Variants in LRRC3B observed in about 807,000 individuals in gnomAD.
LRRC3B encodes leucine-rich repeat-containing protein 3B.
In LRRC3B, 2 loss-of-function variants were observed where a neutral mutation model predicts 12.8. That is an observed-to-expected ratio of 0.16 (90% CI 0.06 to 0.49). The LOEUF is 0.49. Ranked by LOEUF, LRRC3B falls within the 20% of genes least tolerant of loss-of-function variation. LRRC3B has a pLI of 0.96. For missense variants in LRRC3B, 189 were observed against 319.4 expected, an observed-to-expected ratio of 0.59 and a Z score of 3.11; for synonymous variants, 132 against 122.0, an observed-to-expected ratio of 1.08 and a Z score of -0.54.
chr3:26,666,989 C>G (rs2125427556), intron 1 of LRRC3B, among the ~76,000 whole-genome samples: 1 of 152,158 alleles, frequency 6.6e-6, no homozygotes, highest in East Asian at 1.9e-4. Context: ...CAACTAACAA[C>G]TTTTGCCAGC....
At chr3:26,655,883 T>C (rs564125727) in intron 1 of LRRC3B, among the ~76,000 whole-genome samples, 1 of 152,292 alleles carries the variant, frequency 6.6e-6, no homozygotes, top group African/African-American at 2.4e-5. Context: ...CATGACCTTA[T>C]TGCTATTTAT....
At chr3:26,665,490 T>C (rs1450468326) in intron 1 of LRRC3B, among the ~76,000 whole-genome samples, 3 of 152,138 alleles carry the variant, frequency 2.0e-5, no homozygotes, top group Non-Finnish European at 2.9e-5. Context: ...TCTTCTATTG[T>C]AATCTACCAA....
intron 1 of LRRC3B, among the ~76,000 whole-genome samples, chr3:26,671,371 TATAGAGAGAG>T (rs1161184109): frequency 6.4e-4 from 23 of 35,956 alleles, no homozygotes; most frequent in Non-Finnish European, 1.1e-3. Flanking sequence ...TATATATATA[TATAGAGAGAG>T]AGAGAGAGAG....
At chr3:26,707,203 A>G (rs1700616421) in intron 1 of LRRC3B, among the ~76,000 whole-genome samples, 1 of 137,244 alleles carries the variant, frequency 7.3e-6, no homozygotes, top group Non-Finnish European at 1.6e-5. Flanking sequence ...AATACAGAAA[A>G]AAAAAAAAAA....
rs1700326365 is a variant in LRRC3B, at chr3:26,696,680, A to G, written c.-160-12833A>G. On this transcript the variant is annotated intron_variant, in intron 1 of 1. Coordinates refer to ENST00000396641, the Ensembl canonical transcript of LRRC3B. Reference sequence around the variant, plus strand: ...GCCCCTCACTGTGAGGGACATACTAACTATCCTGTTCCACCACATTTCTAT... The same window carrying G: ...GCCCCTCACTGTGAGGGACATACTAGCTATCCTGTTCCACCACATTTCTAT... Among the ~76,000 whole-genome samples, 2 of 152,166 alleles carry G rather than the reference A, an allele frequency of 1.3e-5. 1 individual carries two copies. Among genetic ancestry groups the G allele is most frequent in the South Asian group, 4.1e-4 (2 of 4,822 alleles).
At chr3:26,683,491 G>A (rs1700012597) in intron 1 of LRRC3B, among the ~76,000 whole-genome samples, 2 of 152,168 alleles carry the variant, frequency 1.3e-5, no homozygotes, top group Admixed American at 1.3e-4. Flanking sequence ...TATGCTATGA[G>A]TTGGATCCCC....
intron 1 of LRRC3B, among the ~76,000 whole-genome samples, chr3:26,685,951 T>A (rs1700079428): frequency 6.6e-6 from 1 of 152,182 alleles, no homozygotes; most frequent in South Asian, 2.1e-4. Flanking sequence ...AGTAGCTACC[T>A]CAGATAGGAA....
intron 1 of LRRC3B, among the ~76,000 whole-genome samples, chr3:26,696,414 T>C (rs1700318725): frequency 1.3e-5 from 2 of 152,238 alleles, no homozygotes; most frequent in African/African-American, 4.8e-5. Flanking sequence ...CTAGGAAGAC[T>C]ATGATCTGTG....
At chr3:26,637,289 A>T (rs1024511893) in intron 1 of LRRC3B, among the ~76,000 whole-genome samples, 1 of 152,134 alleles carries the variant, frequency 6.6e-6, no homozygotes, top group Non-Finnish European at 1.5e-5. Context: ...TTCACTTTTC[A>T]TATTGAAGAA....
chr3:26,707,576 G>C (rs1700630602), intron 1 of LRRC3B, among the ~76,000 whole-genome samples: 1 of 152,084 alleles, frequency 6.6e-6, no homozygotes, highest in Admixed American at 6.5e-5. Context: ...TCCAGAAAAG[G>C]CTTCTCATCT....
intron 1 of LRRC3B, among the ~76,000 whole-genome samples, chr3:26,682,673 G>T (rs149794221): frequency 0.012 from 1,791 of 152,274 alleles, 13 homozygotes; most frequent in Middle Eastern, 0.041. Flanking sequence ...TGGTGGGGCT[G>T]TCATTCACTT....
intron 1 of LRRC3B, among the ~76,000 whole-genome samples, chr3:26,707,695 T>C (rs1038743604): frequency 6.6e-6 from 1 of 152,210 alleles, no homozygotes; most frequent in African/African-American, 2.4e-5. Flanking sequence ...TTCCATCTCC[T>C]GTGTTTTTCT....
At chr3:26,630,522 C>T (rs1330801342) in intron 1 of LRRC3B, among the ~76,000 whole-genome samples, 2 of 152,100 alleles carry the variant, frequency 1.3e-5, no homozygotes, top group Middle Eastern at 3.2e-3. Flanking sequence ...CTAGTGGCTA[C>T]TATTGTTTCG....
chr3:26,629,848 C>A (rs898231167), intron 1 of LRRC3B, among the ~76,000 whole-genome samples: 1 of 151,476 alleles, frequency 6.6e-6, no homozygotes, highest in African/African-American at 2.4e-5. Flanking sequence ...GCTACAAAAC[C>A]TGTGAAAGGG....
rs528794926 is a variant in LRRC3B at position 26,684,545 on chromosome 3, A to T, written c.-160-24968A>T. On this transcript the variant is annotated intron_variant, in intron 1 of 1. Coordinates refer to ENST00000396641, the Ensembl canonical transcript of LRRC3B. ...GAAGCTTATTTTCTCACAGTTCTGG[A>T]TACTGAGAAGTCCAAGATCTAGGTG... is the stretch of plus-strand genomic sequence containing the variant. Among the ~76,000 whole-genome samples the T allele has an allele frequency of 1.7e-4, 26 of 152,328 alleles. No individual in the cohort carries two copies. In the South Asian group the frequency reaches 3.7e-3, roughly 22 times the overall value.
chr3:26,648,648 G>A lies in LRRC3B; in HGVS notation c.-161+25411G>A, dbSNP rs540349860. Among the ~76,000 whole-genome samples, 18 of 152,180 alleles carry A rather than the reference G, an allele frequency of 1.2e-4. No individual in the cohort carries two copies. In the East Asian group the frequency reaches 3.5e-3, roughly 29 times the overall value. On this transcript the variant is annotated intron_variant, in intron 1 of 1. Coordinates refer to ENST00000396641, the Ensembl canonical transcript of LRRC3B. ...ATCCTGCCACATCTCCTACCATATG[G>A]GCTCTCTTTGTTTGACTCCTAAGAG... is the stretch of plus-strand genomic sequence containing the variant.
At chr3:26,710,493 T>A in exon 2 of LRRC3B, 1 of 1,508,646 alleles carries the variant, frequency 6.6e-7, no homozygotes, top group Non-Finnish European at 8.9e-7. Flanking sequence ...GAAAGTAGTT[T>A]GCGATTGCAG....
chr3:26,695,799 C>T (rs537661837), intron 1 of LRRC3B, among the ~76,000 whole-genome samples: 1 of 152,288 alleles, frequency 6.6e-6, no homozygotes, highest in East Asian at 1.9e-4. Flanking sequence ...TCTGTTCTAA[C>T]AAGGGAGCAA....
chr3:26,663,717 T>C (rs1465519616), intron 1 of LRRC3B, among the ~76,000 whole-genome samples: 3 of 152,166 alleles, frequency 2.0e-5, no homozygotes, highest in Non-Finnish European at 4.4e-5. Flanking sequence ...TGGTTATGAC[T>C]AAGTTAATTG....
Sources: allele counts gnomAD v4.1 joint callset (sites outside exome capture counted in the v4.1 genomes callset), GRCh38; gene constraint gnomAD v4.1.1; transcripts MANE v1.5; gene names NCBI Gene and HGNC (gene_info 2026-07-23, HGNC 2026-07-21).